The following PARD3B variants were observed in gnomAD, a reference collection of about 807,000 sequenced individuals.
PARD3B encodes partitioning defective 3 homolog B.
In PARD3B, 103 loss-of-function variants were observed where a neutral mutation model predicts 130.2. The ratio of observed to expected loss-of-function variants is 0.79; its 90% confidence interval spans 0.67 to 0.93. The LOEUF is 0.93. PARD3B is among the 40% of genes least tolerant of loss of function. The pLI, the probability that PARD3B is intolerant of heterozygous loss-of-function variation, is 0.00. For missense variants in PARD3B, 1,609 were observed against 1,499.2 expected, an observed-to-expected ratio of 1.07 and a Z score of -1.21; for synonymous variants, 583 against 553.2, an observed-to-expected ratio of 1.05 and a Z score of -0.76.
intron 21 of PARD3B, among the ~76,000 whole-genome samples, chr2:205,514,545 CAT>C (rs2106378888): frequency 6.6e-6 from 1 of 151,652 alleles, no homozygotes; most frequent in East Asian, 1.9e-4. Flanking sequence ...ATGAATGGCA[CAT>C]AGTTTGCTTT....
rs113910143 is a variant in PARD3B at position 205,406,795 on chromosome 2, C to T, written c.2741+5672C>T. Among the ~76,000 whole-genome samples, 1,115 of 151,496 alleles carry T rather than the reference C, an allele frequency of 7.4e-3. 14 individuals carry two copies. The highest frequency in any genetic ancestry group is 0.026 in the African/African-American group (1,067 of 41,304). On this transcript the variant is annotated intron_variant, in intron 19 of 22. Transcript: ENST00000406610. ...AAGCGATTCTTCTGCCTCACCCTCC[C>T]GAGTAGCTGGGACTACAGGCACGCG...
chr2:205,369,184 A>G (rs1330371385), intron 18 of PARD3B, among the ~76,000 whole-genome samples: 1 of 152,256 alleles, frequency 6.6e-6, no homozygotes, highest in Non-Finnish European at 1.5e-5. Context: ...TGTGAAATAC[A>G]TTAGTAATAG....
At chr2:205,452,840 A>G (rs551997240) in intron 20 of PARD3B, among the ~76,000 whole-genome samples, 26 of 152,230 alleles carry the variant, frequency 1.7e-4, no homozygotes, top group African/African-American at 5.8e-4. Context: ...GTGACCATCC[A>G]TTTTCAAGGC....
chr2:205,441,994 G>C (rs2047731429), intron 20 of PARD3B, among the ~76,000 whole-genome samples: 1 of 152,168 alleles, frequency 6.6e-6, no homozygotes, highest in Non-Finnish European at 1.5e-5. Context: ...AGCCTTCATA[G>C]AGGATTGAAT....
chr2:205,306,129 G>A (rs915503479), intron 18 of PARD3B, among the ~76,000 whole-genome samples: 2 of 152,042 alleles, frequency 1.3e-5, no homozygotes, highest in South Asian at 2.1e-4. Context: ...ATGGAGGGAG[G>A]GGACCATGAG....
rs888507090 is a variant in PARD3B, at chr2:204,820,278, T to A, written c.222+133996T>A. ...TTTTAGTAGAGACTGGATTTCACCA[T>A]GTTTGTCAGGCTGGTCTTGAACTCC... On this transcript the variant is annotated intron_variant, in intron 2 of 22. Coordinates refer to ENST00000406610, the MANE Select transcript of PARD3B (RefSeq NM_001302769.2). Among the ~76,000 whole-genome samples the A allele has an allele frequency of 6.0e-4, 91 of 151,474 alleles. 1 individual carries two copies. Among genetic ancestry groups the A allele is most frequent in the Admixed American group, 5.9e-3 (90 of 15,228 alleles).
intron 1 of PARD3B, among the ~76,000 whole-genome samples, chr2:204,663,699 A>C (rs1298094817): frequency 6.6e-6 from 1 of 152,162 alleles, no homozygotes; most frequent in Non-Finnish European, 1.5e-5. Flanking sequence ...GAGAGTGTTA[A>C]TATTTACCCG....
intron 15 of PARD3B, among the ~76,000 whole-genome samples, chr2:205,228,788 A>G (rs1433239112): frequency 2.1e-5 from 3 of 145,858 alleles, no homozygotes; most frequent in Non-Finnish European, 4.5e-5. Flanking sequence ...GGTGTGCTTC[A>G]TTGTTTTTTT....
At position 205,021,050 on chromosome 2, in the gene PARD3B, G is replaced by C. The variant is rs2125331882; in HGVS notation, c.395-26531G>C. Reference sequence around the variant, plus strand: ...GCATGTCAGCTGAAAAGATGGCAGAGTTCAGAGAAAGGTGATGGGAGATGG... The same window carrying C: ...GCATGTCAGCTGAAAAGATGGCAGACTTCAGAGAAAGGTGATGGGAGATGG... On this transcript the variant is annotated intron_variant, in intron 3 of 22. Transcript: ENST00000406610. The surrounding 1 kb of genome is among the most constrained non-coding windows in gnomAD (Gnocchi z 4.5). 6.6e-6 allele frequency among the ~76,000 whole-genome samples: 1 copy of C among 152,282 alleles called. No individual in the cohort carries two copies. The highest frequency in any genetic ancestry group is 6.5e-5 in the Admixed American group (1 of 15,286).
At chr2:205,232,392 G>T (rs1261596675) in intron 15 of PARD3B, among the ~76,000 whole-genome samples, 2 of 152,100 alleles carry the variant, frequency 1.3e-5, no homozygotes, top group Non-Finnish European at 2.9e-5. Context: ...CTGTGATTGT[G>T]CCACTGTACT....
chr2:204,662,674 G>T (rs1005940845), intron 1 of PARD3B, among the ~76,000 whole-genome samples: 2 of 152,122 alleles, frequency 1.3e-5, no homozygotes, highest in African/African-American at 2.4e-5. Context: ...CTTGGTTACA[G>T]ACCTTGAGTG....
rs1691338222 is a variant in PARD3B at position 204,967,318 on chromosome 2, C to T, written c.394+1995C>T. Among the ~76,000 whole-genome samples the T allele has an allele frequency of 6.6e-6, 1 of 152,196 alleles. No individual in the cohort carries two copies. The highest frequency in any genetic ancestry group is 2.1e-4 in the South Asian group (1 of 4,822). ...GTCAGCTATTCAGCTTCCTTGTCCA[C>T]AGCCACCACAGCAGGCCAGAGCTTT... On this transcript the variant is annotated intron_variant, in intron 3 of 22. Transcript: ENST00000406610. The surrounding 1 kb of genome is among the most constrained non-coding windows in gnomAD (Gnocchi z 4.4).
At chr2:205,419,345 G>A (rs548342067) in intron 19 of PARD3B, among the ~76,000 whole-genome samples, 8 of 152,094 alleles carry the variant, frequency 5.3e-5, no homozygotes, top group Admixed American at 4.6e-4. Context: ...CATGATGTGA[G>A]GCCCCCACTA....
At chr2:205,039,573 A>G (rs1471422297) in intron 3 of PARD3B, among the ~76,000 whole-genome samples, 1 of 151,438 alleles carries the variant, frequency 6.6e-6, no homozygotes, top group Non-Finnish European at 1.5e-5. Flanking sequence ...GGATTCAGGT[A>G]ATTTTCCCTG....
chr2:204,931,316 A>C (rs1426816920), intron 2 of PARD3B, among the ~76,000 whole-genome samples: 1 of 152,070 alleles, frequency 6.6e-6, no homozygotes, highest in East Asian at 1.9e-4. Flanking sequence ...AGCATGTACT[A>C]TTAGTGTTTA....
At chr2:204,679,209 A>T (rs2036704184) in intron 1 of PARD3B, among the ~76,000 whole-genome samples, 1 of 152,114 alleles carries the variant, frequency 6.6e-6, no homozygotes, top group South Asian at 2.1e-4. Context: ...CGAATATTTG[A>T]GCTATTTCCA....
At chr2:205,092,864 A>T (rs1178236874) in intron 4 of PARD3B, among the ~76,000 whole-genome samples, 1 of 152,192 alleles carries the variant, frequency 6.6e-6, no homozygotes, top group African/African-American at 2.4e-5. Flanking sequence ...GTTGATTTTA[A>T]ATATTGGTTT....
chr2:204,691,814 A>C (rs2037367301), intron 2 of PARD3B, among the ~76,000 whole-genome samples: 1 of 145,380 alleles, frequency 6.9e-6, no homozygotes, highest in African/African-American at 2.8e-5. Context: ...AACAAAACTG[A>C]TATGAATGAA....
intron 18 of PARD3B, among the ~76,000 whole-genome samples, chr2:205,335,417 T>C (rs773120823): frequency 4.6e-5 from 7 of 152,204 alleles, no homozygotes; most frequent in Non-Finnish European, 8.8e-5. Flanking sequence ...GACAGTCTCT[T>C]TTCTGTGTGT....
Sources: gnomAD v4.1 joint callset for allele counts (sites outside exome capture counted in the v4.1 genomes callset) on GRCh38, gnomAD v4.1.1 for gene constraint, Gnocchi (gnomAD v3.1) non-coding constraint, MANE v1.5 for transcripts, NCBI Gene and HGNC (gene_info 2026-07-23, HGNC 2026-07-21) for gene names.